The following RGS7 variants were observed in gnomAD, a reference collection of about 807,000 sequenced individuals.
RGS7 encodes the protein regulator of G-protein signaling 7.
In RGS7, 27 loss-of-function variants were observed where a neutral mutation model predicts 81.1. The observed-to-expected ratio is 0.33, with a 90% CI of 0.25 to 0.46. The LOEUF (loss-of-function observed/expected upper bound fraction) is 0.46. RGS7 is among the 20% of genes least tolerant of loss of function. RGS7 has a pLI of 1.00. For missense variants in RGS7, 396 were observed against 607.4 expected, an observed-to-expected ratio of 0.65 and a Z score of 3.66; for synonymous variants, 208 against 207.7, an observed-to-expected ratio of 1.00 and a Z score of -0.01.
At chr1:241,290,981 A>T (rs759027701) in intron 2 of RGS7, among the ~76,000 whole-genome samples, 1 of 152,214 alleles carries the variant, frequency 6.6e-6, no homozygotes, top group African/African-American at 2.4e-5. Context: ...CACACAGCCT[A>T]TTGCAGAGTG....
intron 2 of RGS7, among the ~76,000 whole-genome samples, chr1:241,280,880 A>C (rs930984498): frequency 6.6e-6 from 1 of 152,206 alleles, no homozygotes; most frequent in Non-Finnish European, 1.5e-5. Context: ...TGATAGTTGC[A>C]AGTTTACTTT....
At chr1:241,022,969 C>T (rs1031784920) in intron 3 of RGS7, among the ~76,000 whole-genome samples, 29 of 152,008 alleles carry the variant, frequency 1.9e-4, no homozygotes, top group African/African-American at 6.8e-4. Context: ...TAACTAATAA[C>T]AACTATTGTT....
At chr1:240,975,060 G>A (rs539606137) in intron 4 of RGS7, among the ~76,000 whole-genome samples, 82 of 152,254 alleles carry the variant, frequency 5.4e-4, no homozygotes, top group African/African-American at 1.9e-3. Context: ...AGAAGCATGG[G>A]ATGATGGAGA....
At chr1:241,173,126 C>A (rs1188019710) in intron 2 of RGS7, among the ~76,000 whole-genome samples, 1 of 152,154 alleles carries the variant, frequency 6.6e-6, no homozygotes, top group Non-Finnish European at 1.5e-5. Context: ...GGTGCATAAA[C>A]TGAGGCCCAT....
At chr1:240,835,602 G>A (rs965953660) in intron 9 of RGS7, among the ~76,000 whole-genome samples, 9 of 152,282 alleles carry the variant, frequency 5.9e-5, no homozygotes, top group Admixed American at 2.6e-4. Context: ...AAATTGAGTC[G>A]AAAACTTATG....
chr1:240,929,574 C>T (rs938043464), intron 6 of RGS7, among the ~76,000 whole-genome samples: 2 of 152,100 alleles, frequency 1.3e-5, no homozygotes, highest in Admixed American at 1.3e-4. Flanking sequence ...AAATGACACA[C>T]ATGAGAGATA....
intron 11 of RGS7, 109 bp from the exon 12 acceptor site, chr1:240,814,886 A>T: frequency 1.3e-6 from 1 of 741,346 alleles, no homozygotes; most frequent in South Asian, 1.5e-5. Flanking sequence ...AGTCTACGTC[A>T]GTACAATTTC....
intron 9 of RGS7, among the ~76,000 whole-genome samples, chr1:240,864,810 G>A (rs541979242): frequency 1.3e-5 from 2 of 152,300 alleles, no homozygotes; most frequent in South Asian, 2.1e-4. Flanking sequence ...GGCTATGGGA[G>A]TGGTCTTCAG....
intron 9 of RGS7, among the ~76,000 whole-genome samples, chr1:240,861,530 A>G (rs1662192468): frequency 6.6e-6 from 1 of 152,148 alleles, no homozygotes; most frequent in Non-Finnish European, 1.5e-5. Flanking sequence ...GAAGTTGGCA[A>G]TGACCTTTAG....
intron 2 of RGS7, among the ~76,000 whole-genome samples, chr1:241,167,516 C>T (rs2070358519): frequency 6.6e-6 from 1 of 151,648 alleles, no homozygotes; most frequent in African/African-American, 2.4e-5. Context: ...CTCTTTGGTC[C>T]TCCTCTTTTT....
intron 4 of RGS7, among the ~76,000 whole-genome samples, chr1:240,968,480 C>A (rs145183575): frequency 6.6e-6 from 1 of 151,544 alleles, no homozygotes; most frequent in Non-Finnish European, 1.5e-5. Flanking sequence ...TTAGTGAGCA[C>A]GGCAGGAAGC....
At chr1:240,993,346 A>G (rs1325646828) in intron 3 of RGS7, among the ~76,000 whole-genome samples, 1 of 152,202 alleles carries the variant, frequency 6.6e-6, no homozygotes, top group Non-Finnish European at 1.5e-5. Context: ...CATTCCTACC[A>G]GCGATGTAGG....
At chr1:241,180,263 T>C (rs2071496920) in intron 2 of RGS7, among the ~76,000 whole-genome samples, 1 of 152,050 alleles carries the variant, frequency 6.6e-6, no homozygotes, top group Non-Finnish European at 1.5e-5. Flanking sequence ...TAGTCTCAGC[T>C]ACTCGGGAGG....
chr1:240,917,824 G>A (rs952293788), intron 6 of RGS7, among the ~76,000 whole-genome samples: 3 of 152,116 alleles, frequency 2.0e-5, no homozygotes, highest in Non-Finnish European at 4.4e-5. Flanking sequence ...GGGACTATCA[G>A]AGTGGATATA....
Position 241,215,817 on chromosome 1 carries a change from C to T in RGS7, c.79-117055G>A, listed in dbSNP as rs143811462. The stretch of plus-strand genomic sequence containing the variant: ...TTGAAAATTCTCTTTCTATTTTTCC[C>T]CAGAGTTTATAATTGCTATCAGTAG... On this transcript the variant is annotated intron_variant, in intron 2 of 18. Coordinates refer to ENST00000440928, the MANE Select transcript of RGS7 (RefSeq NM_001364886.1). Among the ~76,000 whole-genome samples the T allele has an allele frequency of 9.4e-4, 143 of 152,206 alleles. 1 individual carries two copies. The highest frequency in any genetic ancestry group is 1.6e-3 in the Non-Finnish European group (108 of 68,014).
At chr1:240,931,580 A>G (rs938178060) in intron 5 of RGS7, among the ~76,000 whole-genome samples, 1 of 152,168 alleles carries the variant, frequency 6.6e-6, no homozygotes, top group African/African-American at 2.4e-5. Context: ...CACAAAAATT[A>G]AAATTATAAA....
Position 241,296,602 on chromosome 1 carries a change from C to T in RGS7, c.78+59097G>A, listed in dbSNP as rs139266299. Among the ~76,000 whole-genome samples, 49 of 152,310 alleles carry T rather than the reference C, an allele frequency of 3.2e-4. 1 individual carries two copies. Among genetic ancestry groups the T allele is most frequent in the African/African-American group, 1.1e-3 (47 of 41,566 alleles). On this transcript the variant is annotated intron_variant, in intron 2 of 18. Transcript: ENST00000440928. ...CTCCTTTGTCCACATGGACGGAAGACGTTCATCTCTTGAGTGCTAATGGTT... is the reference window on the plus strand; with the variant it reads ...CTCCTTTGTCCACATGGACGGAAGATGTTCATCTCTTGAGTGCTAATGGTT...
intron 2 of RGS7, among the ~76,000 whole-genome samples, chr1:241,133,585 A>G (rs748537343): frequency 2.6e-5 from 4 of 152,158 alleles, no homozygotes; most frequent in Non-Finnish European, 5.9e-5. Context: ...ATTTTCTCCC[A>G]CTTAATTTTT....
chr1:241,333,855 CTCT>C (rs148019487), intron 2 of RGS7, among the ~76,000 whole-genome samples: 6,833 of 151,910 alleles, frequency 0.045, 520 homozygotes, highest in African/African-American at 0.15. Context: ...TCTTAGTTGT[CTCT>C]TCTTAACAGA....
Sources: gnomAD v4.1 joint callset for allele counts (sites outside exome capture counted in the v4.1 genomes callset) on GRCh38, gnomAD v4.1.1 for gene constraint, MANE v1.5 for transcripts, NCBI Gene and HGNC (gene_info 2026-07-23, HGNC 2026-07-21) for gene names.